The following VPS13C variants were observed in gnomAD, a reference collection of about 807,000 sequenced individuals.
The protein encoded by VPS13C is vacuolar protein sorting 13 homolog C, also known as intermembrane lipid transfer protein VPS13C.
In VPS13C, 358 loss-of-function variants were observed where a neutral mutation model predicts 456.8. The observed-to-expected ratio is 0.78, with a 90% CI of 0.72 to 0.86. VPS13C has a LOEUF of 0.86. Ranked by LOEUF, VPS13C falls within the 40% of genes least tolerant of loss-of-function variation. VPS13C has a pLI of 0.00. For synonymous variants in VPS13C, 1,578 were observed against 1,486.7 expected (o/e 1.06, Z -1.41); for missense variants, 4,818 against 4,385.4 (o/e 1.10, Z -2.79).
At chr15:62,046,862 T>C (rs1012327578) in intron 1 of VPS13C, among the ~76,000 whole-genome samples, 5 of 152,172 alleles carry the variant, frequency 3.3e-5, no homozygotes, top group Non-Finnish European at 7.4e-5. Flanking sequence ...GTTAGACAAG[T>C]ATATTTAGAC....
At chr15:61,869,348 T>C (rs1894841145) in intron 80 of VPS13C, 152 bp downstream of exon 80, 2 of 858,242 alleles carry the variant, frequency 2.3e-6, no homozygotes, top group East Asian at 2.9e-5. Flanking sequence ...TTCTTATTCC[T>C]TTCTGGAGGC....
Position 61,977,118 on chromosome 15 carries a change from G to C in VPS13C, c.2372C>G (p.Ala791Gly), listed in dbSNP as rs750851071. ...LQPMDIHVEL[A>G]KAMVEKDIRM... ...AATGTCTTTTTCTACCATGGCCTTA[G>C]CCAACTCAACATGAATATCCATGGG... The change falls in exon 24 of 85, where the codon GCT becomes GGT. Residue 791 changes from alanine to glycine, a missense_variant. Around this residue, in one of 3 missense-constraint regions of VPS13C, gnomAD observed 4,552 missense variants for 4,130.6 expected, o/e 1.10. Coordinates refer to ENST00000644861, the MANE Select transcript of VPS13C (RefSeq NM_020821.3). The C allele has an allele frequency of 4.4e-6, 7 of 1,600,972 alleles. No individual in the cohort carries two copies. The South Asian group carries it at 6.7e-5, about 15-fold the overall frequency.
At position 61,854,453 on chromosome 15, in the gene VPS13C, G is replaced by T; in HGVS notation, c.*4C>A. Reference sequence around the variant, plus strand: ...CTCCCTGTTGGAGCCCCTGAGGTCTGTGATTAAGATGGCAATTGGGGTCTG... The same window carrying T: ...CTCCCTGTTGGAGCCCCTGAGGTCTTTGATTAAGATGGCAATTGGGGTCTG... On this transcript the variant is annotated 3_prime_UTR_variant, in exon 85 of 85. Coordinates refer to ENST00000644861, the MANE Select transcript of VPS13C (RefSeq NM_020821.3). 6.2e-7 allele frequency: 1 copy of T among 1,613,766 alleles called. No homozygotes were observed.
Position 61,920,107 on chromosome 15 carries a change from T to C in VPS13C, c.7437A>G (p.Ile2479Met). Residue 2479 changes from isoleucine (I) to methionine (M), a missense_variant, in exon 57 of 85, where the codon ATA becomes ATG. By Grantham distance (10) the Ile-to-Met change is conservative (BLOSUM62 1). Around this residue, in one of 3 missense-constraint regions of VPS13C, gnomAD observed 4,552 missense variants for 4,130.6 expected, o/e 1.10. Coordinates refer to ENST00000644861, the MANE Select transcript of VPS13C (RefSeq NM_020821.3). ...MVPSSQGNLS[I>M]LSRQESSFFT... is the part of the protein sequence containing the mutation. ...AGAAGGAGCTTTCTTGACGGCTCAATATAGATAGGTTCCCTTGACTTGAAG... is the reference window on the plus strand; with the variant it reads ...AGAAGGAGCTTTCTTGACGGCTCAACATAGATAGGTTCCCTTGACTTGAAG... 1.2e-6 allele frequency: 2 copies of C among 1,613,144 alleles called. No individual in the cohort carries two copies. The highest frequency in any genetic ancestry group is 8.5e-7 in the Non-Finnish European group (1 of 1,179,346).
At position 61,931,109 on chromosome 15, in the gene VPS13C, T is replaced by C; in HGVS notation, c.6019A>G (p.Ile2007Val). ...ACAAACCTCGATGTTGCTCTCTCAA[T>C]TCCTTCTCTGAGATCATCAAGGGTG... ...TCTLDDLREG[I>V]ERATSRMIDR... The change falls in exon 50 of 85, where the codon ATT (isoleucine) becomes GTT (valine). Residue 2007 changes from isoleucine (I) to valine (V), a missense_variant. Physicochemically the swap from Ile to Val is conservative, Grantham distance 29 (BLOSUM62 3). Transcript: ENST00000644861. 1 of 1,614,052 alleles carries C rather than the reference T, an allele frequency of 6.2e-7. No individual in the cohort carries two copies. Among genetic ancestry groups the C allele is most frequent in the Non-Finnish European group, 8.5e-7 (1 of 1,180,004 alleles).
At position 61,858,334 on chromosome 15, in the gene VPS13C, CTATCTAT is replaced by C. The variant is rs1894036435; in HGVS notation, c.10953-1932_10953-1926del. 6.7e-6 allele frequency among the ~76,000 whole-genome samples: 1 copy of C among 149,662 alleles called. No individual in the cohort carries two copies. The highest frequency in any genetic ancestry group is 1.5e-5 in the Non-Finnish European group (1 of 67,892). On this transcript the variant is annotated intron_variant, in intron 82 of 84. Transcript: ENST00000644861. This position sits in a 1 kb window ranked among gnomAD's most constrained non-coding sequence, Gnocchi z 4.4. Reference sequence around the variant, plus strand: ...AAACTCCAACTATCTATCTATCTATCTATCTATCTATCTATCTATCTATCTATCTGTC... The same window carrying C: ...AAACTCCAACTATCTATCTATCTATCCTATCTATCTATCTATCTATCTGTC...
At chr15:62,001,910 G>C (rs182980041) in intron 15 of VPS13C, among the ~76,000 whole-genome samples, 1 of 152,190 alleles carries the variant, frequency 6.6e-6, no homozygotes, top group East Asian at 1.9e-4. Flanking sequence ...TCTTAATCTA[G>C]TCTATCATTG....
intron 66 of VPS13C, among the ~76,000 whole-genome samples, chr15:61,894,561 A>T (rs1407079591): frequency 6.6e-6 from 1 of 152,088 alleles, no homozygotes; most frequent in Non-Finnish European, 1.5e-5. Context: ...ATGGAAACCA[A>T]GAAAAAAAAA....
At chr15:62,001,427 A>G (rs2046610162) in intron 15 of VPS13C, among the ~76,000 whole-genome samples, 1 of 152,248 alleles carries the variant, frequency 6.6e-6, no homozygotes, top group Non-Finnish European at 1.5e-5. Flanking sequence ...AAATAGTTCT[A>G]TAACTGAAAT....
Position 61,856,366 on chromosome 15 carries a change from A to G in VPS13C, c.10996T>C (p.Cys3666Arg), listed in dbSNP as rs2140832331. ...IKEVEILGLM[C>R]VDWQCPFEDF... ...TCAAATGGACATTGCCAGTCTACAC[A>G]CATAAGGCCCAGGATTTCAACTTCC... Residue 3666 changes from cysteine (C) to arginine (R), a missense_variant, in exon 83 of 85, where the codon TGT becomes CGT. By Grantham distance (180) the Cys-to-Arg change is radical. Around this residue, in one of 3 missense-constraint regions of VPS13C, gnomAD observed 261 missense variants for 234.1 expected, o/e 1.11. Coordinates refer to ENST00000644861, the MANE Select transcript of VPS13C (RefSeq NM_020821.3). 6.2e-7 allele frequency: 1 copy of G among 1,613,472 alleles called. No individual in the cohort carries two copies. Among genetic ancestry groups the G allele is most frequent in the African/African-American group, 1.3e-5 (1 of 75,014 alleles).
chr15:61,892,553 G>A (rs1400686350), intron 66 of VPS13C, among the ~76,000 whole-genome samples: 1 of 152,118 alleles, frequency 6.6e-6, no homozygotes, highest in East Asian at 1.9e-4. Context: ...ACAAACACTG[G>A]AATAAATAAA....
Position 61,867,976 on chromosome 15 carries a change from A to G in VPS13C, c.10863+683T>C. 1 of 1,450,596 alleles carries G rather than the reference A, an allele frequency of 6.9e-7. No individual in the cohort carries two copies. Among genetic ancestry groups the G allele is most frequent in the Non-Finnish European group, 9.7e-7 (1 of 1,034,590 alleles). 89.9% of individuals were successfully genotyped at this position (1,450,596 alleles called of 1,614,324 possible). A position where few individuals can be genotyped will look rare whatever the true frequency, so the allele number is the denominator to read the frequency against. ...TGCAGGCAGAAAAACAAAGAAAATA[A>G]AGTTAGAAGCATGCAGAAAGATAGA... On this transcript the variant is annotated intron_variant, in intron 81 of 84. Coordinates refer to ENST00000644861, the MANE Select transcript of VPS13C (RefSeq NM_020821.3). The surrounding 1 kb of genome is among the most constrained non-coding windows in gnomAD (Gnocchi z 5.0).
Position 61,965,540 on chromosome 15 carries a change from A to C in VPS13C, c.3051+543T>G, listed in dbSNP as rs180712425. Among the ~76,000 whole-genome samples, 47 of 152,096 alleles carry C rather than the reference A, an allele frequency of 3.1e-4. 1 individual carries two copies. The highest frequency in any genetic ancestry group is 2.9e-3 in the Admixed American group (44 of 15,262). ...AAAATGAATTTCTTTTCATTTTCTCATAACACTAAATGGATATAAAAACAA... is the reference window on the plus strand; with the variant it reads ...AAAATGAATTTCTTTTCATTTTCTCCTAACACTAAATGGATATAAAAACAA... On this transcript the variant is annotated intron_variant, in intron 30 of 84. Coordinates refer to ENST00000644861, the MANE Select transcript of VPS13C (RefSeq NM_020821.3).
intron 68 of VPS13C, among the ~76,000 whole-genome samples, chr15:61,883,654 C>T (rs1896046551): frequency 6.6e-6 from 1 of 151,996 alleles, no homozygotes; most frequent in African/African-American, 2.4e-5. Flanking sequence ...CTACTCAGGT[C>T]CAACAATCAC....
intron 9 of VPS13C, among the ~76,000 whole-genome samples, chr15:62,016,376 CTCG>C (rs1470204056): frequency 1.3e-5 from 2 of 151,748 alleles, no homozygotes; most frequent in Non-Finnish European, 2.9e-5. Context: ...CACCCATTAA[CTCG>C]TCATTTACAT....
Position 61,922,586 on chromosome 15 carries a change from T to C in VPS13C, c.6786A>G (p.Glu2262=). Residue 2262 remains glutamate, a synonymous_variant, in exon 54 of 85, where the codon GAA becomes GAG. Transcript: ENST00000644861. ...LGVDTATEIT[E]SFKGIEHSLI... is the part of the protein sequence containing the mutation. ...GTGAATGTTCAATGCCTTTGAAGCTTTCCGTTATTTCTGTTGCCGTGTCAA... is the reference window on the plus strand; with the variant it reads ...GTGAATGTTCAATGCCTTTGAAGCTCTCCGTTATTTCTGTTGCCGTGTCAA... 6 of 1,614,140 alleles carry C rather than the reference T, an allele frequency of 3.7e-6. No individual in the cohort carries two copies. The highest frequency in any genetic ancestry group is 4.2e-6 in the Non-Finnish European group (5 of 1,179,984).
chr15:62,000,481 T>G, intron 16 of VPS13C, 83 bp downstream of exon 16: 1 of 1,358,500 alleles, frequency 7.4e-7, no homozygotes, highest in Non-Finnish European at 1.0e-6. Context: ...CCTCACCTCG[T>G]GAAACTTCAA....
chr15:61,991,565 A>G, intron 17 of VPS13C, 108 bp downstream of exon 17: 1 of 1,265,424 alleles, frequency 7.9e-7, no homozygotes, highest in Admixed American at 2.6e-5. Flanking sequence ...ATACTGAGGT[A>G]ATTTATTTCA....
rs544912486 is a variant in VPS13C, at chr15:61,892,141, T to C, written c.9106-1741A>G. Among the ~76,000 whole-genome samples the C allele has an allele frequency of 3.6e-4, 55 of 152,182 alleles. 1 individual carries two copies. In the South Asian group the frequency reaches 9.8e-3, roughly 27 times the overall value. ...GCCCATGGGAAGCATCACAAGTGCT[T>C]TAGGAAGAGAAAACCCCCAAGGGAG... On this transcript the variant is annotated intron_variant, in intron 66 of 84. Coordinates refer to ENST00000644861, the MANE Select transcript of VPS13C (RefSeq NM_020821.3).
Sources: gnomAD v4.1 joint callset for allele counts (sites outside exome capture counted in the v4.1 genomes callset) on GRCh38, gnomAD v4.1.1 for gene constraint, gnomAD v4.1.1 regional missense constraint, Gnocchi (gnomAD v3.1) non-coding constraint, MANE v1.5 for transcripts, NCBI Gene and HGNC (gene_info 2026-07-23, HGNC 2026-07-21) for gene names.